ATXN7: variants seen among roughly 807,000 people sequenced by gnomAD.
ATXN7 encodes ataxin-7.
In ATXN7, 12 loss-of-function variants were observed where a neutral mutation model predicts 70.5. That is an observed-to-expected ratio of 0.17 (90% CI 0.11 to 0.28). The LOEUF is 0.28. Among genes scored for constraint, ATXN7 ranks in the 10% least tolerant of loss-of-function variants. The probability of loss-of-function intolerance (pLI) is 1.00; values close to 1 mark genes in which losing one functional copy is unlikely to be tolerated. For synonymous variants in ATXN7, 498 were observed against 448.7 expected (o/e 1.11, Z -1.39); for missense variants, 1,256 against 1,131.7 (o/e 1.11, Z -1.58).
At chr3:63,996,568 G>T in intron 12 of ATXN7, 85 bp downstream of exon 12, 1 of 1,429,182 alleles carries the variant, frequency 7.0e-7, no homozygotes, top group Non-Finnish European at 9.4e-7. Context: ...TGTTTGGTTG[G>T]GTTGGTTGGT....
chr3:63,893,457 G>T (rs1703347321), intron 1 of ATXN7, among the ~76,000 whole-genome samples: 1 of 152,206 alleles, frequency 6.6e-6, no homozygotes, highest in Admixed American at 6.5e-5. Context: ...GGAGAACTGT[G>T]TGTCCTGAAA....
intron 8 of ATXN7, among the ~76,000 whole-genome samples, chr3:63,986,894 A>T (rs942427476): frequency 6.6e-6 from 1 of 152,334 alleles, no homozygotes; most frequent in South Asian, 2.1e-4. Flanking sequence ...ATGCACACAC[A>T]CATTTACAAT....
chr3:63,915,305 G>C (rs1057178714), intron 4 of ATXN7, among the ~76,000 whole-genome samples: 1 of 152,152 alleles, frequency 6.6e-6, no homozygotes, highest in African/African-American at 2.4e-5. Context: ...GGATGCTGTA[G>C]CTACCAGGCC....
chr3:63,919,723 T>C (rs1704431527), intron 4 of ATXN7, among the ~76,000 whole-genome samples: 1 of 149,612 alleles, frequency 6.7e-6, no homozygotes, highest in Non-Finnish European at 1.5e-5. Context: ...TAGCATTAGG[T>C]ATATCTCCTA....
In ATXN7 at chr3:63,982,170, C is replaced by T. The variant is rs750149820; in HGVS notation, c.753-16C>T. The T allele has an allele frequency of 1.2e-6, 2 of 1,613,786 alleles. No individual in the cohort carries two copies. The highest frequency in any genetic ancestry group is 2.7e-5 in the African/African-American group (2 of 74,902). On this transcript the variant is annotated splice_polypyrimidine_tract_variant and intron_variant, in intron 6 of 12. Coordinates refer to ENST00000674280, the MANE Select transcript of ATXN7 (RefSeq NM_001377405.1). ...AGGCACTCAGGCACTGGTTTTCTCA[C>T]TTCCTCCTGTGACAGCATGACACCC...
intron 5 of ATXN7, chr3:63,968,291 A>G (rs1378113471): frequency 1.4e-5 from 4 of 293,746 alleles, no homozygotes; most frequent in Non-Finnish European, 2.6e-5. Flanking sequence ...TGATCTGGCC[A>G]AAGTTCAGAT....
In ATXN7 at chr3:63,982,264, C is replaced by G. The variant is rs1379324415; in HGVS notation, c.831C>G (p.Thr277=). ...GTLLKSAVGP[T]CPATVSSLVK... ...TACTGAAATCTGCGGTGGGGCCAAC[C>G]TGTCCTGCTACTGTGAGTTCCTTAG... Residue 277 remains threonine, a synonymous_variant, in exon 7 of 13, where the codon ACC becomes ACG. Coordinates refer to ENST00000674280, the MANE Select transcript of ATXN7 (RefSeq NM_001377405.1). 6.2e-7 allele frequency: 1 copy of G among 1,614,158 alleles called. No homozygotes were observed.
chr3:63,944,744 G>T (rs558546400), intron 4 of ATXN7, among the ~76,000 whole-genome samples: 1 of 152,152 alleles, frequency 6.6e-6, no homozygotes, highest in South Asian at 2.1e-4. Flanking sequence ...GATCAATTTT[G>T]TGAGTTATGT....
At chr3:63,921,329 G>A (rs1704502853) in intron 4 of ATXN7, among the ~76,000 whole-genome samples, 1 of 152,024 alleles carries the variant, frequency 6.6e-6, no homozygotes, top group Non-Finnish European at 1.5e-5. Flanking sequence ...CAGAAAAAAA[G>A]GTAATGCTTT....
rs1264304201 is a variant in ATXN7 at position 64,000,316 on chromosome 3, A to G, written c.*849A>G. ...TGGGAGTGAGGAAGTTAAAATCACTATAGGGAGAAAAAACTTTTTTCAAGA... is the reference window on the plus strand; with the variant it reads ...TGGGAGTGAGGAAGTTAAAATCACTGTAGGGAGAAAAAACTTTTTTCAAGA... On this transcript the variant is annotated 3_prime_UTR_variant, in exon 13 of 13. Transcript: ENST00000674280. 1 of 152,454 alleles carries G rather than the reference A, an allele frequency of 6.6e-6. No homozygotes were observed. The highest frequency in any genetic ancestry group is 1.5e-5 in the Non-Finnish European group (1 of 68,002). 9.4% of individuals were successfully genotyped at this position (152,454 alleles called of 1,614,324 possible).
At chr3:63,991,670 T>G (rs994063723) in intron 11 of ATXN7, among the ~76,000 whole-genome samples, 1 of 152,140 alleles carries the variant, frequency 6.6e-6, no homozygotes, top group Non-Finnish European at 1.5e-5. Flanking sequence ...TGAAATTGTT[T>G]CAGTGTTGAA....
chr3:63,876,738 C>CT (rs1436605450), intron 1 of ATXN7, among the ~76,000 whole-genome samples: 1 of 152,154 alleles, frequency 6.6e-6, no homozygotes, highest in African/African-American at 2.4e-5. Flanking sequence ...GAGTAGCTCT[C>CT]TTTTCCATAA....
At chr3:63,984,686 A>T (rs1488569764) in intron 8 of ATXN7, among the ~76,000 whole-genome samples, 1 of 152,234 alleles carries the variant, frequency 6.6e-6, no homozygotes, top group Non-Finnish European at 1.5e-5. Context: ...TGTGCAAGAC[A>T]GTATTGTTGA....
chr3:63,928,329 A>G (rs534932309), intron 4 of ATXN7, among the ~76,000 whole-genome samples: 2 of 145,544 alleles, frequency 1.4e-5, no homozygotes, highest in African/African-American at 5.0e-5. Context: ...AGCTACTTAT[A>G]TATAGGATTT....
chr3:63,928,782 A>G (rs1459729366), intron 4 of ATXN7, among the ~76,000 whole-genome samples: 1 of 152,170 alleles, frequency 6.6e-6, no homozygotes, highest in African/African-American at 2.4e-5. Flanking sequence ...TTGAGCTGAC[A>G]TTTGTGGGGA....
At chr3:63,867,429 C>T (rs1326957803) in intron 1 of ATXN7, among the ~76,000 whole-genome samples, 1 of 152,164 alleles carries the variant, frequency 6.6e-6, no homozygotes, top group Non-Finnish European at 1.5e-5. Flanking sequence ...TCCTTGACCT[C>T]CTGGGCTCAA....
chr3:63,866,684 GA>G (rs1702440584), intron 1 of ATXN7, among the ~76,000 whole-genome samples: 1 of 152,142 alleles, frequency 6.6e-6, no homozygotes, highest in Non-Finnish European at 1.5e-5. Context: ...GAACATTTAA[GA>G]ATTGTCTTTT....
At position 63,996,390 on chromosome 3, in the gene ATXN7, T is replaced by G; in HGVS notation, c.2568T>G (p.Val856=). Residue 856 remains valine, a synonymous_variant, in exon 12 of 13, where the codon GTT becomes GTG. Transcript: ENST00000674280. ...INNSSSKPTK[V]AKVPAVNNVH... ...ACAGCAGCAGCAAACCCACAAAGGT[T>G]GCCAAAGTGCCAGCCGTGAACAATG... 2 of 1,614,128 alleles carry G rather than the reference T, an allele frequency of 1.2e-6. No individual in the cohort carries two copies. The highest frequency in any genetic ancestry group is 8.5e-7 in the Non-Finnish European group (1 of 1,180,012).
At chr3:63,895,087 A>C (rs1016664740) in intron 1 of ATXN7, among the ~76,000 whole-genome samples, 3 of 152,184 alleles carry the variant, frequency 2.0e-5, no homozygotes, top group Non-Finnish European at 4.4e-5. Flanking sequence ...CTAGGGTGGC[A>C]GTCTCACGTT....
Sources: allele counts gnomAD v4.1 joint callset (sites outside exome capture counted in the v4.1 genomes callset), GRCh38; gene constraint gnomAD v4.1.1; transcripts MANE v1.5; gene names NCBI Gene and HGNC (gene_info 2026-07-23, HGNC 2026-07-21).